AGPAT4: variants seen among roughly 807,000 people sequenced by gnomAD.
AGPAT4 encodes 1-acyl-sn-glycerol-3-phosphate acyltransferase delta.
Under a neutral mutation model 48.0 loss-of-function variants are expected in AGPAT4, and 15 were observed. The ratio of observed to expected loss-of-function variants is 0.31; its 90% CI spans 0.21 to 0.48. The LOEUF is 0.48. AGPAT4 is among the 20% of genes least tolerant of loss of function. The pLI is 0.99. For synonymous variants in AGPAT4, 178 were observed against 198.7 expected, an observed-to-expected ratio of 0.90 and a Z score of 0.88; for missense variants, 314 against 482.5, an observed-to-expected ratio of 0.65 and a Z score of 3.27.
chr6:161,145,210 A>G (rs1432788552), intron 7 of AGPAT4, among the ~76,000 whole-genome samples: 1 of 151,708 alleles, frequency 6.6e-6, no homozygotes, highest in African/African-American at 2.4e-5. Context: ...AGCCATCTGC[A>G]TCAGAAGCAG....
chr6:161,241,327 T>G (rs992517770), intron 1 of AGPAT4, among the ~76,000 whole-genome samples: 1 of 151,628 alleles, frequency 6.6e-6, no homozygotes, highest in Non-Finnish European at 1.5e-5. Flanking sequence ...TATACAAAAT[T>G]CATGTATTTT....
At chr6:161,265,135 C>G (rs1002944814) in intron 1 of AGPAT4, among the ~76,000 whole-genome samples, 2 of 149,966 alleles carry the variant, frequency 1.3e-5, no homozygotes, top group Admixed American at 6.6e-5. Context: ...GGACTGGGTG[C>G]TGGATTAGTA....
chr6:161,172,480 C>A (rs1043965357), intron 2 of AGPAT4, among the ~76,000 whole-genome samples: 1 of 152,136 alleles, frequency 6.6e-6, no homozygotes, highest in African/African-American at 2.4e-5. Context: ...GAGCCAGGGG[C>A]ACCAAAGAAG....
chr6:161,149,315 G>A lies in AGPAT4; in HGVS notation c.665-26C>T. 6.3e-7 allele frequency: 1 copy of A among 1,589,760 alleles called. No individual in the cohort carries two copies. Among genetic ancestry groups the A allele is most frequent in the Non-Finnish European group, 8.5e-7 (1 of 1,172,986 alleles). ...CTATAAAAAATAAAACAAATACAAA[G>A]CAGTATATAGCGTGTGAACCCAATT... On this transcript the variant is annotated intron_variant, in intron 5 of 8. Transcript: ENST00000320285. The surrounding 1 kb of genome is among the most constrained non-coding windows in gnomAD (Gnocchi z 6.5).
Position 161,240,526 on chromosome 6 carries a change from A to G in AGPAT4, c.-89-8224T>C, listed in dbSNP as rs1040932910. Reference sequence around the variant, plus strand: ...CAAGTGGCCCAGGTTAACCAGACAAATAAAAGAAAATAAAAACTTCAGGGA... The same window carrying G: ...CAAGTGGCCCAGGTTAACCAGACAAGTAAAAGAAAATAAAAACTTCAGGGA... On this transcript the variant is annotated intron_variant, in intron 1 of 8. Coordinates refer to ENST00000320285, the MANE Select transcript of AGPAT4 (RefSeq NM_020133.3). This position sits in a 1 kb window ranked among gnomAD's most constrained non-coding sequence, Gnocchi z 5.5. Among the ~76,000 whole-genome samples, 1 of 152,230 alleles carries G rather than the reference A, an allele frequency of 6.6e-6. No individual in the cohort carries two copies. The highest frequency in any genetic ancestry group is 2.4e-5 in the African/African-American group (1 of 41,448).
rs955892254 is a variant in AGPAT4, at chr6:161,137,354, T to C, written c.1043-720A>G. Among the ~76,000 whole-genome samples the C allele has an allele frequency of 1.3e-5, 2 of 152,234 alleles. No individual in the cohort carries two copies. The highest frequency in any genetic ancestry group is 4.8e-5 in the African/African-American group (2 of 41,460). On this transcript the variant is annotated intron_variant, in intron 8 of 8. Coordinates refer to ENST00000320285, the MANE Select transcript of AGPAT4 (RefSeq NM_020133.3). This position sits in a 1 kb window ranked among gnomAD's most constrained non-coding sequence, Gnocchi z 6.1. ...TGGGGCTTGGAAAACAGTCCATTTATAATACATGCTTAAGAATGGATAGAC... is the reference window on the plus strand; with the variant it reads ...TGGGGCTTGGAAAACAGTCCATTTACAATACATGCTTAAGAATGGATAGAC...
rs1019338714 is a variant in AGPAT4 at position 161,253,341 on chromosome 6, A to G, written c.-90+20597T>C. Among the ~76,000 whole-genome samples, 441 of 147,172 alleles carry G rather than the reference A, an allele frequency of 3.0e-3. 2 individuals are homozygous for G. Among genetic ancestry groups the G allele is most frequent in the African/African-American group, 0.01 (418 of 39,882 alleles). ...GCAATCTCTGCTCACTGCAAGCTCC[A>G]CCTCCCAGGTTCACGCCATTCTCCT... On this transcript the variant is annotated intron_variant, in intron 1 of 8. Coordinates refer to ENST00000320285, the MANE Select transcript of AGPAT4 (RefSeq NM_020133.3).
rs1214812291 is a variant in AGPAT4 at position 161,138,672 on chromosome 6, C to A, written c.1042+750G>T. Among the ~76,000 whole-genome samples, 1 of 152,154 alleles carries A rather than the reference C, an allele frequency of 6.6e-6. No individual in the cohort carries two copies. Among genetic ancestry groups the A allele is most frequent in the African/African-American group, 2.4e-5 (1 of 41,418 alleles). ...GAGTCCTGTCCATTTGGAAGAAGCA[C>A]GTGATCTCTGTGTGCTTGGACAATG... On this transcript the variant is annotated intron_variant, in intron 8 of 8. Coordinates refer to ENST00000320285, the MANE Select transcript of AGPAT4 (RefSeq NM_020133.3). This position sits in a 1 kb window ranked among gnomAD's most constrained non-coding sequence, Gnocchi z 4.8.
intron 2 of AGPAT4, among the ~76,000 whole-genome samples, chr6:161,209,332 CA>C (rs1781463862): frequency 6.6e-6 from 1 of 152,200 alleles, no homozygotes; most frequent in Non-Finnish European, 1.5e-5. Context: ...CTGTATGAGC[CA>C]TGGAGCTGGA....
In AGPAT4 at chr6:161,219,901, A is replaced by AGGCAGGCAGGCAGGC. The variant is rs1244814283; in HGVS notation, c.178+12120_178+12134dup. 8.0e-5 allele frequency among the ~76,000 whole-genome samples: 11 copies of AGGCAGGCAGGCAGGC among 138,354 alleles called. No individual in the cohort carries two copies. The highest frequency in any genetic ancestry group is 3.1e-4 in the African/African-American group (10 of 32,584). 90.8% of individuals were successfully genotyped at this position (138,354 alleles called of 152,430 possible). A position where few individuals can be genotyped will look rare whatever the true frequency, so the allele number is the denominator to read the frequency against. On this transcript the variant is annotated intron_variant, in intron 2 of 8. Coordinates refer to ENST00000320285, the MANE Select transcript of AGPAT4 (RefSeq NM_020133.3). The surrounding 1 kb of genome is among the most constrained non-coding windows in gnomAD (Gnocchi z 4.9). ...CAGGCAGGCAGGCAGGCAGGCAGGC[A>AGGCAGGCAGGCAGGC]GGCAGGCAGGCAGGCGGCAGGCAGG...
chr6:161,137,595 C>G lies in AGPAT4; in HGVS notation c.1043-961G>C, dbSNP rs547126993. Among the ~76,000 whole-genome samples, 1 of 152,124 alleles carries G rather than the reference C, an allele frequency of 6.6e-6. No individual in the cohort carries two copies. The highest frequency in any genetic ancestry group is 1.5e-5 in the Non-Finnish European group (1 of 68,030). ...CAGTGAGAGTGGAGTTATTGTAGAG[C>G]AGAAAGAAGTGAGTAAAACGTGGAC... On this transcript the variant is annotated intron_variant, in intron 8 of 8. Coordinates refer to ENST00000320285, the MANE Select transcript of AGPAT4 (RefSeq NM_020133.3). The surrounding 1 kb of genome is among the most constrained non-coding windows in gnomAD (Gnocchi z 6.1).
chr6:161,188,336 T>C (rs1285273506), intron 2 of AGPAT4, among the ~76,000 whole-genome samples: 1 of 152,208 alleles, frequency 6.6e-6, no homozygotes. Flanking sequence ...CAGCTTTTAA[T>C]TATTAAGGAT....
In AGPAT4 at chr6:161,142,169, T is replaced by C. The variant is rs1779274593; in HGVS notation, c.844-2549A>G. On this transcript the variant is annotated intron_variant, in intron 7 of 8. Coordinates refer to ENST00000320285, the MANE Select transcript of AGPAT4 (RefSeq NM_020133.3). The surrounding 1 kb of genome is among the most constrained non-coding windows in gnomAD (Gnocchi z 6.4). Reference sequence around the variant, plus strand: ...GCGCCCAGCCCCATTCACTTTAAAGTTTTCTTTGTCTGTGGTTTAAAACAC... The same window carrying C: ...GCGCCCAGCCCCATTCACTTTAAAGCTTTCTTTGTCTGTGGTTTAAAACAC... Among the ~76,000 whole-genome samples the C allele has an allele frequency of 6.6e-6, 1 of 152,168 alleles. No homozygotes were observed. The highest frequency in any genetic ancestry group is 1.5e-5 in the Non-Finnish European group (1 of 68,022).
chr6:161,189,480 G>A lies in AGPAT4; in HGVS notation c.179-23063C>T, dbSNP rs183726365. Among the ~76,000 whole-genome samples the A allele has an allele frequency of 2.6e-5, 4 of 152,244 alleles. No homozygotes were observed. Among genetic ancestry groups the A allele is most frequent in the Admixed American group, 6.5e-5 (1 of 15,276 alleles). On this transcript the variant is annotated intron_variant, in intron 2 of 8. Transcript: ENST00000320285. This position sits in a 1 kb window ranked among gnomAD's most constrained non-coding sequence, Gnocchi z 5.3. ...TGTAGCCACACAGTGAGTGAGGCTC[G>A]TCACATGCGGAATTCACTTACTTAC...
At chr6:161,160,521 G>C (rs1268099203) in intron 3 of AGPAT4, 1 of 175,712 alleles carries the variant, frequency 5.7e-6, no homozygotes, top group African/African-American at 2.4e-5. Context: ...AGTACGCGGG[G>C]TTCTTGCACT....
chr6:161,265,477 C>A (rs1274682277), intron 1 of AGPAT4, among the ~76,000 whole-genome samples: 2 of 150,920 alleles, frequency 1.3e-5, no homozygotes, highest in African/African-American at 4.9e-5. Context: ...GTACCCACCG[C>A]TGGACTGGGT....
intron 1 of AGPAT4, among the ~76,000 whole-genome samples, chr6:161,268,637 G>A (rs979602794): frequency 2.6e-5 from 4 of 152,176 alleles, no homozygotes; most frequent in Non-Finnish European, 4.4e-5. Flanking sequence ...AGATGCCCGT[G>A]CCAACCAGAG....
At chr6:161,182,238 C>T (rs1780619674) in intron 2 of AGPAT4, among the ~76,000 whole-genome samples, 2 of 150,260 alleles carry the variant, frequency 1.3e-5, no homozygotes, top group South Asian at 4.2e-4. Context: ...CCCCTCATCC[C>T]CGCACCTCAT....
chr6:161,186,005 T>A (rs1360189411), intron 2 of AGPAT4, among the ~76,000 whole-genome samples: 2 of 152,018 alleles, frequency 1.3e-5, no homozygotes, highest in Non-Finnish European at 2.9e-5. Context: ...CTGCCCCTCC[T>A]TTGCTTACTG....
Sources: gnomAD v4.1 joint callset for allele counts (sites outside exome capture counted in the v4.1 genomes callset) on GRCh38, gnomAD v4.1.1 for gene constraint, Gnocchi (gnomAD v3.1) non-coding constraint, MANE v1.5 for transcripts, NCBI Gene and HGNC (gene_info 2026-07-23, HGNC 2026-07-21) for gene names.